The following C10orf88 variants were observed in gnomAD, a reference collection of about 807,000 sequenced individuals.
The protein encoded by C10orf88 is chromosome 10 open reading frame 88.
C10orf88 carries 29 observed loss-of-function variants against 34.2 expected under a neutral mutation model. That is an observed-to-expected ratio of 0.85 (90% CI 0.63 to 1.16). The LOEUF is 1.16. Among genes scored for constraint, C10orf88 ranks in the 50% most tolerant of loss-of-function variants. The pLI is 0.00. For synonymous variants in C10orf88, 194 were observed against 197.4 expected, an observed-to-expected ratio of 0.98 and a Z score of 0.15; for missense variants, 507 against 533.2, an observed-to-expected ratio of 0.95 and a Z score of 0.48.
chr10:122,932,107 T>C lies in C10orf88; in HGVS notation c.*320A>G, dbSNP rs1848488752. On this transcript the variant is annotated 3_prime_UTR_variant, in exon 6 of 6. Coordinates refer to ENST00000481909, the MANE Select transcript of C10orf88 (RefSeq NM_024942.4). ...ATCTTTGTATAAATAAAAATTATACTTAAACACATATACAATACAAACTAA... is the reference window on the plus strand; with the variant it reads ...ATCTTTGTATAAATAAAAATTATACCTAAACACATATACAATACAAACTAA... 5.3e-6 allele frequency: 1 copy of C among 187,954 alleles called. No homozygotes were observed. Among genetic ancestry groups the C allele is most frequent in the African/African-American group, 2.3e-5 (1 of 42,898 alleles). The allele number at this position is 187,954 out of a possible 1,614,324, so 11.6% of individuals were successfully genotyped here.
intron 4 of C10orf88, among the ~76,000 whole-genome samples, chr10:122,947,191 T>A (rs1004324147): frequency 6.6e-6 from 1 of 152,186 alleles, no homozygotes; most frequent in Non-Finnish European, 1.5e-5. Context: ...TACATTTCCA[T>A]CTTTTTTGAA....
chr10:122,952,850 A>G lies in C10orf88; in HGVS notation c.347T>C (p.Val116Ala). The part of the protein sequence containing the change: ...EYCGTSRGKN[V>A]CTVLDDSEHE... ...ACACCTGTCATCCAGGACAGTACAA[A>G]CATTCTTGCCCCTACTGGTTCCACA... is the stretch of plus-strand genomic sequence containing the variant. The change falls in exon 2 of 6, where the codon GTT (valine) becomes GCT (alanine). Residue 116 changes from valine to alanine, a missense_variant. Transcript: ENST00000481909. 1 of 1,614,038 alleles carries G rather than the reference A, an allele frequency of 6.2e-7. No individual in the cohort carries two copies.
intron 4 of C10orf88, among the ~76,000 whole-genome samples, chr10:122,946,300 G>GC (rs1848639093): frequency 6.6e-6 from 1 of 152,072 alleles, no homozygotes; most frequent in Non-Finnish European, 1.5e-5. Context: ...CATGGTAAGT[G>GC]CCCTATACAG....
chr10:122,943,529 C>A (rs1384146849), intron 4 of C10orf88, among the ~76,000 whole-genome samples: 2 of 151,938 alleles, frequency 1.3e-5, no homozygotes, highest in Non-Finnish European at 2.9e-5. Context: ...CAAATGGGAT[C>A]TAATTAAACT....
intron 5 of C10orf88, among the ~76,000 whole-genome samples, chr10:122,935,067 A>G (rs1041745220): frequency 6.6e-6 from 1 of 152,056 alleles, no homozygotes; most frequent in African/African-American, 2.4e-5. Flanking sequence ...CTTCAGAGAC[A>G]GGTCATTTGC....
At chr10:122,951,415 C>T (rs1315095235) in intron 3 of C10orf88, among the ~76,000 whole-genome samples, 1 of 151,532 alleles carries the variant, frequency 6.6e-6, no homozygotes, top group Admixed American at 6.6e-5. Flanking sequence ...CTCTGTTGCC[C>T]AGGTTGGTCT....
intron 5 of C10orf88, among the ~76,000 whole-genome samples, chr10:122,936,965 C>T (rs762373364): frequency 1.3e-5 from 2 of 151,868 alleles, no homozygotes; most frequent in Non-Finnish European, 2.9e-5. Context: ...TGGTAGAGTT[C>T]TCTATAAATG....
Position 122,953,194 on chromosome 10 carries a change from C to CA in C10orf88, c.165-163dup, listed in dbSNP as rs1451328919. ...CCGGGTTCACGCCATTCTCCTGCCT[C>CA]AGCCTCCCAAGCAGCTGGGACTACA... On this transcript the variant is annotated intron_variant, in intron 1 of 5. Coordinates refer to ENST00000481909, the MANE Select transcript of C10orf88 (RefSeq NM_024942.4). 5.3e-5 allele frequency among the ~76,000 whole-genome samples: 8 copies of CA among 152,336 alleles called. No homozygotes were observed. The East Asian group carries it at 1.4e-3, about 26-fold the overall frequency.
Position 122,954,213 on chromosome 10 carries a change from A to G in C10orf88, c.-35T>C, listed in dbSNP as rs754556915. On this transcript the variant is annotated 5_prime_UTR_variant, in exon 1 of 6. Coordinates refer to ENST00000481909, the MANE Select transcript of C10orf88 (RefSeq NM_024942.4). Reference sequence around the variant, plus strand: ...TTCAGTCAGGCCAGCCCAGCCCCGGAACCTCTCTTCCAGTGCTTGAATTTC... The same window carrying G: ...TTCAGTCAGGCCAGCCCAGCCCCGGGACCTCTCTTCCAGTGCTTGAATTTC... 1.3e-6 allele frequency: 2 copies of G among 1,503,216 alleles called. No individual in the cohort carries two copies. The highest frequency in any genetic ancestry group is 1.8e-6 in the Non-Finnish European group (2 of 1,136,306). The allele number at this position is 1,503,216 out of a possible 1,614,324, so 93.1% of individuals were successfully genotyped here.
chr10:122,950,636 T>C (rs1013065737), intron 3 of C10orf88, among the ~76,000 whole-genome samples: 1 of 152,220 alleles, frequency 6.6e-6, no homozygotes, highest in African/African-American at 2.4e-5. Context: ...CCATTAAATA[T>C]AGTATTTATT....
chr10:122,936,692 C>T (rs1848536510), intron 5 of C10orf88, among the ~76,000 whole-genome samples: 1 of 151,864 alleles, frequency 6.6e-6, no homozygotes, highest in Non-Finnish European at 1.5e-5. Context: ...GTTGTATTTT[C>T]ATTCATTTCT....
chr10:122,940,454 A>C (rs1373696625), intron 4 of C10orf88, among the ~76,000 whole-genome samples: 1 of 152,080 alleles, frequency 6.6e-6, no homozygotes, highest in African/African-American at 2.4e-5. Context: ...TTACAGCTTT[A>C]CAAGATGAAT....
chr10:122,937,750 C>T lies in C10orf88; in HGVS notation c.1058G>A (p.Cys353Tyr). 1 of 1,612,448 alleles carries T rather than the reference C, an allele frequency of 6.2e-7. No homozygotes were observed. Among genetic ancestry groups the T allele is most frequent in the Non-Finnish European group, 8.5e-7 (1 of 1,179,046 alleles). ...ACCATGCTTGGTGATGTTTTCCTGA[C>T]ACTCGGTCTTATTTCCCACATGGAG... ...NHLHVGNKTE[C>Y]QENITKHGER... The change falls in exon 5 of 6, where the codon TGT becomes TAT. Residue 353 changes from cysteine to tyrosine, a missense_variant. Physicochemically the swap from Cys to Tyr is radical, Grantham distance 194. Coordinates refer to ENST00000481909, the MANE Select transcript of C10orf88 (RefSeq NM_024942.4).
intron 5 of C10orf88, 24 bp downstream of exon 5, chr10:122,937,681 C>T (rs1848545550): frequency 2.0e-6 from 3 of 1,533,498 alleles, no homozygotes; most frequent in Admixed American, 1.9e-5. Flanking sequence ...AATCGAAACT[C>T]GTATGTCTTA....
In C10orf88 at chr10:122,954,006, C is replaced by T; in HGVS notation, c.164+9G>A. On this transcript the variant is annotated intron_variant, in intron 1 of 5. Coordinates refer to ENST00000481909, the MANE Select transcript of C10orf88 (RefSeq NM_024942.4). Reference sequence around the variant, plus strand: ...GCATAGCGACCCCGTCCCCGTCGGCCCGGCGCACCCTGGAGCAGGCGGTGC... The same window carrying T: ...GCATAGCGACCCCGTCCCCGTCGGCTCGGCGCACCCTGGAGCAGGCGGTGC... 6.6e-7 allele frequency: 1 copy of T among 1,514,474 alleles called. No homozygotes were observed. Among genetic ancestry groups the T allele is most frequent in the South Asian group, 1.2e-5 (1 of 82,428 alleles). 93.8% of individuals were successfully genotyped at this position (1,514,474 alleles called of 1,614,324 possible). A position where few individuals can be genotyped will look rare whatever the true frequency, so the allele number is the denominator to read the frequency against.
chr10:122,933,463 T>G (rs553183499), intron 5 of C10orf88: 1 of 152,318 alleles, frequency 6.6e-6, no homozygotes, highest in African/African-American at 2.4e-5. Context: ...AGACTCCGTC[T>G]CAAAACAAGA....
chr10:122,934,924 T>C (rs1848521057), intron 5 of C10orf88, among the ~76,000 whole-genome samples: 1 of 152,132 alleles, frequency 6.6e-6, no homozygotes, highest in African/African-American at 2.4e-5. Flanking sequence ...GTTGATCAAC[T>C]TTCCTTGTGC....
chr10:122,944,383 G>A (rs1438434816), intron 4 of C10orf88, among the ~76,000 whole-genome samples: 2 of 112,858 alleles, frequency 1.8e-5, no homozygotes, highest in African/African-American at 3.4e-5. Context: ...TGTGGGGTGG[G>A]GGGAGGGGGG....
At chr10:122,936,898 A>G (rs1428821436) in intron 5 of C10orf88, among the ~76,000 whole-genome samples, 1 of 151,992 alleles carries the variant, frequency 6.6e-6, no homozygotes. Flanking sequence ...TCAAGATATA[A>G]TCTATCTTTG....
Sources: gnomAD v4.1 joint callset for allele counts (sites outside exome capture counted in the v4.1 genomes callset) on GRCh38, gnomAD v4.1.1 for gene constraint, MANE v1.5 for transcripts, NCBI Gene and HGNC (gene_info 2026-07-23, HGNC 2026-07-21) for gene names.